Variants in ASF1A observed in about 807,000 individuals in gnomAD.
ASF1A encodes histone chaperone ASF1A.
ASF1A carries 5 observed loss-of-function variants against 22.0 expected under a neutral mutation model. The observed-to-expected ratio is 0.23, with a 90% CI of 0.12 to 0.48. The LOEUF (loss-of-function observed/expected upper bound fraction) is 0.48, where lower values mean the gene tolerates loss of function less well. ASF1A is among the 20% of genes least tolerant of loss of function. The pLI is 0.99. For synonymous variants in ASF1A, 97 were observed against 86.7 expected, an observed-to-expected ratio of 1.12 and a Z score of -0.66; for missense variants, 137 against 240.6, an observed-to-expected ratio of 0.57 and a Z score of 2.85.
At position 118,908,760 on chromosome 6, in the gene ASF1A, T is replaced by G. The variant is rs1318580908; in HGVS notation, c.*1146T>G. ...AGTCCTTCCTCAAAAAATTTTCTTA[T>G]GCTCCATAAAATTGAGGTAGAATAT... On this transcript the variant is annotated 3_prime_UTR_variant, in exon 4 of 4. Coordinates refer to ENST00000229595, the MANE Select transcript of ASF1A (RefSeq NM_014034.3). 6.6e-6 allele frequency: 1 copy of G among 152,602 alleles called. No homozygotes were observed. The highest frequency in any genetic ancestry group is 1.9e-4 in the East Asian group (1 of 5,196). The allele number at this position is 152,602 out of a possible 1,614,324, so 9.5% of individuals were successfully genotyped here.
intron 2 of ASF1A, among the ~76,000 whole-genome samples, chr6:118,902,185 G>A (rs528210676): frequency 6.6e-6 from 1 of 152,306 alleles, no homozygotes; most frequent in South Asian, 2.1e-4. Flanking sequence ...TTCTGTAGAA[G>A]GAAGCACTGC....
In ASF1A at chr6:118,894,278, A is replaced by G. The variant is rs985053161; in HGVS notation, c.-136A>G. The G allele has an allele frequency of 6.8e-6, 10 of 1,463,946 alleles. No individual in the cohort carries two copies. The highest frequency in any genetic ancestry group is 9.0e-6 in the Non-Finnish European group (10 of 1,114,634). 90.7% of individuals were successfully genotyped at this position (1,463,946 alleles called of 1,614,324 possible). ...TCCCGTGTAAATAAAAAGAGGAAAA[A>G]AGTTTCTCAAGTCGCCGCTGCACGA... On this transcript the variant is annotated 5_prime_UTR_variant, in exon 1 of 4. Coordinates refer to ENST00000229595, the MANE Select transcript of ASF1A (RefSeq NM_014034.3).
intron 2 of ASF1A, 84 bp from the exon 3 acceptor site, chr6:118,905,568 T>C: frequency 1.8e-6 from 2 of 1,117,924 alleles, no homozygotes; most frequent in East Asian, 2.5e-5. Flanking sequence ...CAACTGATGG[T>C]TCTAGGTAAC....
At chr6:118,904,744 TA>T (rs1404256907) in intron 2 of ASF1A, among the ~76,000 whole-genome samples, 8 of 152,250 alleles carry the variant, frequency 5.3e-5, no homozygotes, top group African/African-American at 1.9e-4. Context: ...AAGAGCATAC[TA>T]TATTGTAGAG....
chr6:118,899,970 A>T (rs1006502950), intron 1 of ASF1A, among the ~76,000 whole-genome samples: 3 of 152,186 alleles, frequency 2.0e-5, no homozygotes, highest in Non-Finnish European at 4.4e-5. Context: ...AAAGAGTTCT[A>T]CTCATCTCTG....
At position 118,905,747 on chromosome 6, in the gene ASF1A, T is replaced by C. The variant is rs369816959; in HGVS notation, c.321T>C (p.Ile107=). 50 of 1,613,614 alleles carry C rather than the reference T, an allele frequency of 3.1e-5. No individual in the cohort carries two copies. In the East Asian group the frequency reaches 6.0e-4, roughly 19 times the overall value. Residue 107 remains isoleucine, a synonymous_variant, in exon 3 of 4, where the codon ATT becomes ATC. Coordinates refer to ENST00000229595, the MANE Select transcript of ASF1A (RefSeq NM_014034.3). The part of the protein sequence containing the change: ...ITCTYRGQEF[I]RVGYYVNNEY... ...GTACCTATCGAGGACAAGAATTTAT[T>C]AGAGTTGGCTATTATGTAAATAATG...
At chr6:118,894,597 G>A (rs572885777) in intron 1 of ASF1A, 75 bp downstream of exon 1, 6 of 1,280,250 alleles carry the variant, frequency 4.7e-6, no homozygotes, top group African/African-American at 4.4e-5. Context: ...GCCGGGCCTC[G>A]CGCTGGGCGG....
intron 1 of ASF1A, 29 bp downstream of exon 1, chr6:118,894,551 G>C: frequency 8.0e-6 from 12 of 1,508,018 alleles, no homozygotes; most frequent in Non-Finnish European, 1.1e-5. Context: ...CGCCCGGGCT[G>C]TCAGTTGCGG....
At chr6:118,900,359 T>C (rs1013724168) in intron 1 of ASF1A, among the ~76,000 whole-genome samples, 2 of 152,022 alleles carry the variant, frequency 1.3e-5, no homozygotes, top group Non-Finnish European at 2.9e-5. Flanking sequence ...TAAAAGATGA[T>C]ATACAAAAAA....
intron 1 of ASF1A, among the ~76,000 whole-genome samples, chr6:118,897,532 T>A (rs999868963): frequency 6.6e-6 from 1 of 152,074 alleles, no homozygotes; most frequent in African/African-American, 2.4e-5. Flanking sequence ...CTTTCCAACT[T>A]CAGCTTGTTC....
chr6:118,899,228 A>T (rs570015649), intron 1 of ASF1A, among the ~76,000 whole-genome samples: 10 of 152,340 alleles, frequency 6.6e-5, no homozygotes, highest in Admixed American at 1.3e-4. Context: ...TTAAAATGAA[A>T]GTTGGCTCCT....
rs771931542 is a variant in ASF1A, at chr6:118,905,639, T to G, written c.226-13T>G. ...TGTGTGTGTGTGTTTCTTTTCTTTT[T>G]AATTTATTCTAGGCTGATGCACCTA... On this transcript the variant is annotated splice_polypyrimidine_tract_variant and intron_variant, in intron 2 of 3. Transcript: ENST00000229595. The G allele has an allele frequency of 2.5e-6, 4 of 1,580,266 alleles. No homozygotes were observed. The African/African-American group carries it at 5.4e-5, about 22-fold the overall frequency.
chr6:118,908,651 T>C lies in ASF1A; in HGVS notation c.*1037T>C, dbSNP rs1583629789. On this transcript the variant is annotated 3_prime_UTR_variant, in exon 4 of 4. Coordinates refer to ENST00000229595, the MANE Select transcript of ASF1A (RefSeq NM_014034.3). ...TGTGGTTGACATACTCTAGATAGCT[T>C]TTCCAACAAATCTTTGAAAAGCAAT... is the stretch of plus-strand genomic sequence containing the variant. 6.6e-6 allele frequency: 1 copy of C among 152,242 alleles called. No individual in the cohort carries two copies. The highest frequency in any genetic ancestry group is 1.9e-4 in the East Asian group (1 of 5,202). 9.4% of individuals were successfully genotyped at this position (152,242 alleles called of 1,614,324 possible).
Position 118,907,602 on chromosome 6 carries a change from G to T in ASF1A, c.603G>T (p.Met201Ile). The T allele has an allele frequency of 6.2e-7, 1 of 1,613,116 alleles. No individual in the cohort carries two copies. Among genetic ancestry groups the T allele is most frequent in the Middle Eastern group, 1.7e-4 (1 of 6,060 alleles). Residue 201 changes from methionine (M) to isoleucine (I), a missense_variant, in exon 4 of 4, where the codon ATG becomes ATT. Physicochemically the swap from Met to Ile is conservative, Grantham distance 10. Coordinates refer to ENST00000229595, the MANE Select transcript of ASF1A (RefSeq NM_014034.3). ...NSLNVMLESHMDCM is the reference protein window; with the variant it reads ...NSLNVMLESHIDCM Reference sequence around the variant, plus strand: ...TAAATGTCATGTTAGAATCCCACATGGACTGCATGTGACCACCTACCATCC... The same window carrying T: ...TAAATGTCATGTTAGAATCCCACATTGACTGCATGTGACCACCTACCATCC...
rs73766832 is a variant in ASF1A at position 118,907,219 on chromosome 6, G to C, written c.403-183G>C. Among the ~76,000 whole-genome samples the C allele has an allele frequency of 0.039, 5,953 of 152,164 alleles. 257 individuals are homozygous for C. The highest frequency in any genetic ancestry group is 0.11 in the African/African-American group (4,462 of 41,498). On this transcript the variant is annotated intron_variant, in intron 3 of 3. Transcript: ENST00000229595. ...TCTGTTAATCTAAAATAACTTCTTT[G>C]CTACAGCCCTAGTCGTTACATCTTA...
At chr6:118,902,156 T>C (rs1370677150) in intron 2 of ASF1A, among the ~76,000 whole-genome samples, 2 of 152,192 alleles carry the variant, frequency 1.3e-5, no homozygotes, top group Non-Finnish European at 2.9e-5. Context: ...GTAAAAGACA[T>C]GGGTAACAGA....
intron 1 of ASF1A, among the ~76,000 whole-genome samples, chr6:118,896,865 G>T (rs1779454766): frequency 6.6e-6 from 1 of 151,136 alleles, no homozygotes; most frequent in African/African-American, 2.4e-5. Flanking sequence ...AGACAGTGTT[G>T]CTCTGGCACT....
intron 2 of ASF1A, among the ~76,000 whole-genome samples, chr6:118,903,500 G>T (rs1414579105): frequency 2.6e-5 from 4 of 151,846 alleles, no homozygotes; most frequent in African/African-American, 4.8e-5. Flanking sequence ...ATAGCATCTA[G>T]AAGAGAAGAC....
chr6:118,908,533 T>C lies in ASF1A; in HGVS notation c.*919T>C, dbSNP rs1780323177. ...GTATATTTAGCTTTATTATAATAGA[T>C]ACGTTACTATTTTGGAAATATATAT... On this transcript the variant is annotated 3_prime_UTR_variant, in exon 4 of 4. Coordinates refer to ENST00000229595, the MANE Select transcript of ASF1A (RefSeq NM_014034.3). The C allele has an allele frequency of 6.6e-6, 1 of 152,150 alleles. No individual in the cohort carries two copies. Among genetic ancestry groups the C allele is most frequent in the Non-Finnish European group, 1.5e-5 (1 of 68,002 alleles). The allele number at this position is 152,150 out of a possible 1,614,324, so 9.4% of individuals were successfully genotyped here.
Sources: gnomAD v4.1 joint callset for allele counts (sites outside exome capture counted in the v4.1 genomes callset) on GRCh38, gnomAD v4.1.1 for gene constraint, MANE v1.5 for transcripts, NCBI Gene and HGNC (gene_info 2026-07-23, HGNC 2026-07-21) for gene names.